The following JUP variants were observed in gnomAD, a reference collection of about 807,000 sequenced individuals.
JUP encodes catenin (cadherin-associated protein), gamma 80kDa.
In JUP, 28 loss-of-function variants were observed where a neutral mutation model predicts 71.1. The ratio of observed to expected loss-of-function variants is 0.39; its 90% CI spans 0.29 to 0.54. The LOEUF is 0.54. Ranked by LOEUF, JUP falls within the 20% of genes least tolerant of loss-of-function variation. The probability of loss-of-function intolerance (pLI) is 0.62; values close to 1 mark genes in which losing one functional copy is unlikely to be tolerated. For synonymous variants in JUP, 401 were observed against 438.9 expected (o/e 0.91, Z 1.08); for missense variants, 869 against 1,030.1 (o/e 0.84, Z 2.14).
chr17:41,761,010 A>G (rs1914718577), intron 8 of JUP, among the ~76,000 whole-genome samples: 1 of 151,976 alleles, frequency 6.6e-6, no homozygotes, highest in South Asian at 2.1e-4. Flanking sequence ...CCTTGTCTCT[A>G]CATATAGATA....
chr17:41,775,993 C>T (rs2046866287), intron 1 of JUP: 2 of 985,256 alleles, frequency 2.0e-6, no homozygotes, highest in East Asian at 1.1e-4. Context: ...CAGGCTCCTT[C>T]CCCAGCCGGC....
At position 41,768,992 on chromosome 17, in the gene JUP, G is replaced by A; in HGVS notation, c.684C>T (p.Ile228=). Residue 228 remains isoleucine, a synonymous_variant, in exon 4 of 14, where the codon ATC becomes ATT. Coordinates refer to ENST00000393931, the MANE Select transcript of JUP (RefSeq NM_002230.4). ...GLLAIFKSGG[I]PALVRMLSSP... Reference sequence around the variant, plus strand: ...ACCTGAGCATGCGGACCAGAGCAGGGATGCCACCCGACTTGAAGATGGCGA... The same window carrying A: ...ACCTGAGCATGCGGACCAGAGCAGGAATGCCACCCGACTTGAAGATGGCGA... 1 of 1,608,008 alleles carries A rather than the reference G, an allele frequency of 6.2e-7. No individual in the cohort carries two copies. Among genetic ancestry groups the A allele is most frequent in the South Asian group, 1.1e-5 (1 of 89,970 alleles).
chr17:41,769,880 G>A (rs1916370738), intron 2 of JUP, among the ~76,000 whole-genome samples: 1 of 148,030 alleles, frequency 6.8e-6, no homozygotes, highest in Admixed American at 6.7e-5. Flanking sequence ...TGTAAAATAG[G>A]CCCCACATGT....
At chr17:41,758,370 C>T (rs781940710) in intron 10 of JUP, 29 bp downstream of exon 10, 103 of 1,611,774 alleles carry the variant, frequency 6.4e-5, no homozygotes, top group Non-Finnish European at 8.3e-5. Context: ...GGTGGGGGGA[C>T]CTCTCCTGCC....
Position 41,757,623 on chromosome 17 carries a change from C to T in JUP, c.1924+11G>A, listed in dbSNP as rs371698551. 10 of 1,613,862 alleles carry T rather than the reference C, an allele frequency of 6.2e-6. No individual in the cohort carries two copies. In the African/African-American group the frequency reaches 9.3e-5, roughly 15 times the overall value. ...GAGTGGGACCCAGCCTCCTGCCCTC[C>T]CCCAGCTCACCAGTGCCCTCGTTGC... On this transcript the variant is annotated intron_variant, in intron 11 of 13. Coordinates refer to ENST00000393931, the MANE Select transcript of JUP (RefSeq NM_002230.4).
At chr17:41,759,166 T>C (rs1914391294) in intron 8 of JUP, among the ~76,000 whole-genome samples, 2 of 149,202 alleles carry the variant, frequency 1.3e-5, no homozygotes, top group Non-Finnish European at 3.0e-5. Context: ...CTCCACCTCC[T>C]GGGTTCAAGC....
chr17:41,771,586 A>G (rs1222921827), intron 2 of JUP, 61 bp downstream of exon 2: 7 of 1,490,156 alleles, frequency 4.7e-6, no homozygotes, highest in African/African-American at 1.4e-5. Context: ...TTTCACTCTG[A>G]CCTCTCTCCA....
At chr17:41,765,719 A>G (rs1555603801) in intron 5 of JUP, among the ~76,000 whole-genome samples, 1 of 152,234 alleles carries the variant, frequency 6.6e-6, no homozygotes, top group East Asian at 1.9e-4. Context: ...CCCAGTGCTG[A>G]CAAGGACATG....
intron 10 of JUP, 128 bp from the exon 11 acceptor site, chr17:41,757,912 G>T: frequency 1.3e-6 from 1 of 753,244 alleles, no homozygotes; most frequent in Non-Finnish European, 2.1e-6. Flanking sequence ...GCCGTCACTG[G>T]GGAGTAAGTG....
intron 3 of JUP, 44 bp from the exon 4 acceptor site, chr17:41,769,251 G>C (rs1555605506): frequency 2.5e-6 from 4 of 1,583,048 alleles, no homozygotes; most frequent in Non-Finnish European, 3.4e-6. Flanking sequence ...ACTAAGGAGA[G>C]GCCGGGATAC....
chr17:41,782,613 C>T (rs560241329), intron 1 of JUP, among the ~76,000 whole-genome samples: 3 of 152,124 alleles, frequency 2.0e-5, no homozygotes, highest in Non-Finnish European at 4.4e-5. Context: ...ACACTCACCA[C>T]AGCCCTGGCC....
At chr17:41,773,190 C>T (rs1263933036) in intron 1 of JUP, among the ~76,000 whole-genome samples, 1 of 152,162 alleles carries the variant, frequency 6.6e-6, no homozygotes, top group Non-Finnish European at 1.5e-5. Context: ...AGGCAGCACC[C>T]GGGTTGTCTC....
Position 41,758,805 on chromosome 17 carries a change from T to C in JUP, c.1563A>G (p.Ala521=), listed in dbSNP as rs149926974. 8,454 of 1,611,740 alleles carry C rather than the reference T, an allele frequency of 5.2e-3. 104 individuals carry two copies. Among genetic ancestry groups the C allele is most frequent in the Non-Finnish European group, 4.3e-3 (5,024 of 1,178,892 alleles). The change falls in exon 9 of 14, where the codon GCA becomes GCG. Residue 521 remains alanine (A), a synonymous_variant. Transcript: ENST00000393931. ...GTTGGACGAGGCGGGGGATGACCGC[T>C]GCCTCCTGCAGCGGGGCATGGTTGG... The part of the protein sequence containing the change: ...CPANHAPLQE[A]AVIPRLVQLL...
At chr17:41,774,543 A>C (rs1213709656) in intron 1 of JUP, among the ~76,000 whole-genome samples, 1 of 152,002 alleles carries the variant, frequency 6.6e-6, no homozygotes, top group East Asian at 2.0e-4. Flanking sequence ...CATGTTGGCC[A>C]GGCTGGTCTT....
rs1555602038 is a variant in JUP, at chr17:41,763,032, G to A, written c.1448C>T (p.Pro483Leu). The A allele has an allele frequency of 6.2e-7, 1 of 1,614,116 alleles. No homozygotes were observed. Among genetic ancestry groups the A allele is most frequent in the South Asian group, 1.1e-5 (1 of 91,078 alleles). The change falls in exon 8 of 14, where the codon CCA becomes CTA. Residue 483 changes from proline to leucine, a missense_variant. By Grantham distance (98) the Pro-to-Leu change is moderately conservative (BLOSUM62 -3). Coordinates refer to ENST00000393931, the MANE Select transcript of JUP (RefSeq NM_002230.4). ...QNSVRLNYGI[P>L]AIVKLLNQPN... ...CTGGTTGAGCAGCTTCACGATGGCT[G>A]GGATGCCATAGTTGAGACGCACAGA...
intron 12 of JUP, 92 bp downstream of exon 12, chr17:41,757,323 G>T: frequency 7.4e-7 from 1 of 1,343,314 alleles, no homozygotes; most frequent in Non-Finnish European, 1.1e-6. Context: ...AATCTATGAA[G>T]TTGACAGTAG....
intron 5 of JUP, 34 bp downstream of exon 5, chr17:41,767,345 G>C (rs781920519): frequency 6.3e-7 from 1 of 1,588,160 alleles, no homozygotes; most frequent in Non-Finnish European, 8.6e-7. Flanking sequence ...GCAAGGGTGG[G>C]CTTCAGGCCT....
intron 2 of JUP, among the ~76,000 whole-genome samples, 180 bp from the exon 3 acceptor site, chr17:41,769,857 C>A (rs1916365724): frequency 6.6e-6 from 1 of 152,164 alleles, no homozygotes. Context: ...GTCACCATCA[C>A]CTCAGTAATC....
At chr17:41,786,377 C>T (rs1328937834) in intron 1 of JUP, 5 of 152,160 alleles carry the variant, frequency 3.3e-5, no homozygotes, top group Non-Finnish European at 5.9e-5. Context: ...TTGCTCAGAT[C>T]TCTGGTTCGC....
Sources: gnomAD v4.1 joint callset for allele counts (sites outside exome capture counted in the v4.1 genomes callset) on GRCh38, gnomAD v4.1.1 for gene constraint, MANE v1.5 for transcripts, NCBI Gene and HGNC (gene_info 2026-07-23, HGNC 2026-07-21) for gene names.